Variants in DLL1 observed in about 807,000 individuals in gnomAD.
The protein encoded by DLL1 is delta like canonical Notch ligand 1, also known as delta-like protein 1.
In DLL1, 9 loss-of-function variants were observed where a neutral mutation model predicts 75.1. That is an observed-to-expected ratio of 0.12 (90% CI 0.07 to 0.21). The LOEUF (loss-of-function observed/expected upper bound fraction) is 0.21, where lower values mean the gene tolerates loss of function less well. Among genes scored for constraint, DLL1 ranks in the 10% least tolerant of loss-of-function variants. The pLI is 1.00. For synonymous variants in DLL1, 477 were observed against 418.3 expected (o/e 1.14, Z -1.71); for missense variants, 837 against 1,007.6 (o/e 0.83, Z 2.29).
At position 170,282,709 on chromosome 6, in the gene DLL1, G is replaced by T; in HGVS notation, c.*165C>A. 8.5e-7 allele frequency: 1 copy of T among 1,177,026 alleles called. No homozygotes were observed. The highest frequency in any genetic ancestry group is 1.3e-6 in the Non-Finnish European group (1 of 797,212). 72.9% of individuals were successfully genotyped at this position (1,177,026 alleles called of 1,614,324 possible). On this transcript the variant is annotated 3_prime_UTR_variant, in exon 11 of 11. Transcript: ENST00000366756. ...GCGGCCGGGCCGCGACAGGCTGTCG[G>T]CAGGCGTCGAGGACCTCAGGAGGAG... is the stretch of plus-strand genomic sequence containing the variant.
Position 170,286,243 on chromosome 6 carries a change from T to G in DLL1, c.726A>C (p.Glu242Asp). 6.2e-7 allele frequency: 1 copy of G among 1,614,218 alleles called. No individual in the cohort carries two copies. Among genetic ancestry groups the G allele is most frequent in the Non-Finnish European group, 8.5e-7 (1 of 1,180,036 alleles). The change falls in exon 5 of 11, where the codon GAA (glutamate) becomes GAC (aspartate). Residue 242 changes from glutamate (E) to aspartate (D), a missense_variant. By Grantham distance (45) the Glu-to-Asp change is conservative. This residue lies in a region of DLL1 where 304 missense variants were observed against 461.9 expected (regional missense o/e 0.66). Coordinates refer to ENST00000366756, the MANE Select transcript of DLL1 (RefSeq NM_005618.4). ...ACCACCTTGTGCAGACTTACTTGCA[T>G]TCCCCTGGTTTGTCACAAAATCCAT... ...EQHGFCDKPGECKCRVGWQGR... is the reference protein window; with the variant it reads ...EQHGFCDKPGDCKCRVGWQGR...
chr6:170,288,488 C>T lies in DLL1; in HGVS notation c.421G>A (p.Glu141Lys), dbSNP rs1783757254. The change falls in exon 4 of 11, where the codon GAA (glutamate) becomes AAA (lysine). Residue 141 changes from glutamate to lysine, a missense_variant. Glu to Lys is a moderately conservative substitution (Grantham distance 56, BLOSUM62 1). This residue lies in a region of DLL1 where 304 missense variants were observed against 461.9 expected (regional missense o/e 0.66). Transcript: ENST00000366756. ...SPDDLATENP[E>K]RLISRLATQR... ...GTGGCCAGGCGGCTGATGAGTCTTT[C>T]TGGGTTTTCTACGGGGAGAAGATGC... 1.2e-6 allele frequency: 2 copies of T among 1,614,022 alleles called. No individual in the cohort carries two copies. Among genetic ancestry groups the T allele is most frequent in the African/African-American group, 1.3e-5 (1 of 74,950 alleles).
rs1401212987 is a variant in DLL1 at position 170,285,317 on chromosome 6, G to A, written c.969C>T (p.Ala323=). ...ACTCGTCAATCCCCAGCTCGCAGGT[G>A]GCACCTGTGTACCCAGGCCGGCAAG... is the stretch of plus-strand genomic sequence containing the variant. ...TCSCRPGYTG[A]TCELGIDECD... Residue 323 remains alanine (A), a synonymous_variant, in exon 7 of 11, where the codon GCC becomes GCT. Transcript: ENST00000366756. The A allele has an allele frequency of 1.2e-6, 2 of 1,614,168 alleles. No homozygotes were observed. Among genetic ancestry groups the A allele is most frequent in the Non-Finnish European group, 8.5e-7 (1 of 1,180,034 alleles).
Position 170,283,011 on chromosome 6 carries a change from C to T in DLL1, c.2143G>A (p.Asp715Asn), listed in dbSNP as rs775077676. Residue 715 changes from aspartate (D) to asparagine (N), a missense_variant, in exon 10 of 11, where the codon GAT (aspartate) becomes AAT (asparagine). Coordinates refer to ENST00000366756, the MANE Select transcript of DLL1 (RefSeq NM_005618.4). ...QSVYVISEEK[D>N]ECVIATEV ...ACCTCAGTTGCTATGACGCACTCAT[C>T]CTTCTCCTCGGATATGACGTACACC... 1.2e-6 allele frequency: 2 copies of T among 1,614,164 alleles called. No homozygotes were observed. The highest frequency in any genetic ancestry group is 1.7e-5 in the Admixed American group (1 of 60,034).
chr6:170,289,270 G>A (rs1284607763), intron 2 of DLL1: 3 of 663,606 alleles, frequency 4.5e-6, no homozygotes, highest in Admixed American at 2.4e-5. Flanking sequence ...TCTCCCGGGC[G>A]CGCTCGGCCT....
rs2114956411 is a variant in DLL1, at chr6:170,282,698, A to G, written c.*176T>C. ...CAGTGCCGCAGGCGGCCGGGCCGCGACAGGCTGTCGGCAGGCGTCGAGGAC... is the reference window on the plus strand; with the variant it reads ...CAGTGCCGCAGGCGGCCGGGCCGCGGCAGGCTGTCGGCAGGCGTCGAGGAC... On this transcript the variant is annotated 3_prime_UTR_variant, in exon 11 of 11. Coordinates refer to ENST00000366756, the MANE Select transcript of DLL1 (RefSeq NM_005618.4). 3 of 1,067,606 alleles carry G rather than the reference A, an allele frequency of 2.8e-6. No individual in the cohort carries two copies. The South Asian group carries it at 4.0e-5, about 14-fold the overall frequency. The allele number at this position is 1,067,606 out of a possible 1,614,324, so 66.1% of individuals were successfully genotyped here.
In DLL1 at chr6:170,283,322, C is replaced by T. The variant is rs769028878; in HGVS notation, c.1957G>A (p.Ala653Thr). Residue 653 changes from alanine to threonine, a missense_variant, in exon 9 of 11, where the codon GCC becomes ACC. Transcript: ENST00000366756. ...CGCTTGCTGTGCGCGTCCCTGACGG[C>T]GGTGTCGTCACCCTTGAGGTCCTGC... ...LVQDLKGDDTAVRDAHSKRDT... is the reference protein window; with the variant it reads ...LVQDLKGDDTTVRDAHSKRDT... The T allele has an allele frequency of 4.5e-5, 73 of 1,613,066 alleles. No individual in the cohort carries two copies. In the South Asian group the frequency reaches 5.2e-4, roughly 11 times the overall value.
intron 5 of DLL1, among the ~76,000 whole-genome samples, chr6:170,285,953 A>G (rs1783687024): frequency 6.6e-6 from 1 of 152,238 alleles, no homozygotes; most frequent in African/African-American, 2.4e-5. Flanking sequence ...ATGAGGCAAC[A>G]TTTGAGAACC....
intron 5 of DLL1, 77 bp downstream of exon 5, chr6:170,286,161 G>C (rs942468599): frequency 6.3e-7 from 1 of 1,594,458 alleles, no homozygotes; most frequent in Non-Finnish European, 8.6e-7. Context: ...ACCTAGGGCT[G>C]TTTTTACAAA....
chr6:170,288,799 A>G lies in DLL1; in HGVS notation c.352-10T>C. 2.5e-6 allele frequency: 4 copies of G among 1,614,014 alleles called. No individual in the cohort carries two copies. Among genetic ancestry groups the G allele is most frequent in the Non-Finnish European group, 3.4e-6 (4 of 1,179,920 alleles). ...TCAGAGAGAAGGTGCCCTGGGAGAG[A>G]GGGGAGAAGACGTTAGACAACCCAG... On this transcript the variant is annotated splice_polypyrimidine_tract_variant and intron_variant, in intron 2 of 10. Transcript: ENST00000366756.
At chr6:170,284,864 C>T (rs1783659033) in intron 8 of DLL1, 55 bp downstream of exon 8, 6 of 1,559,320 alleles carry the variant, frequency 3.8e-6, no homozygotes, top group South Asian at 1.1e-5. Flanking sequence ...TTTAATGCCA[C>T]CTCAGTATTG....
rs2114969064 is a variant in DLL1, at chr6:170,291,026, C to A, written c.-887G>T. 1.4e-6 allele frequency: 1 copy of A among 702,036 alleles called. No homozygotes were observed. The highest frequency in any genetic ancestry group is 2.6e-6 in the Non-Finnish European group (1 of 384,670). 43.5% of individuals were successfully genotyped at this position (702,036 alleles called of 1,614,324 possible). A position where few individuals can be genotyped will look rare whatever the true frequency, so the allele number is the denominator to read the frequency against. On this transcript the variant is annotated 5_prime_UTR_variant, in exon 1 of 11. Transcript: ENST00000366756. ...CCCCCCAATCTGGCGAGAGCTGTCA[C>A]AAAGGAGCCACTTTTCCAAACCCTC...
chr6:170,289,724 C>T lies in DLL1; in HGVS notation c.139G>A (p.Gly47Arg). The T allele has an allele frequency of 1.9e-6, 3 of 1,549,962 alleles. No individual in the cohort carries two copies. Among genetic ancestry groups the T allele is most frequent in the Non-Finnish European group, 2.6e-6 (3 of 1,146,880 alleles). ...GLLGNRNCCR[G>R]GAGPPPCACR... ...GCGCACGGCGGTGGCCCCGCGCCCC[C>T]GCGGCAGCAGTTGCGGTTCCCCAGC... is the stretch of plus-strand genomic sequence containing the variant. The change falls in exon 2 of 11, where the codon GGG (glycine) becomes AGG (arginine). Residue 47 changes from glycine (G) to arginine (R), a missense_variant. By Grantham distance (125) the Gly-to-Arg change is moderately radical. This residue lies in a region of DLL1 where 304 missense variants were observed against 461.9 expected (regional missense o/e 0.66). Coordinates refer to ENST00000366756, the MANE Select transcript of DLL1 (RefSeq NM_005618.4).
chr6:170,284,240 G>A (rs986818292), intron 8 of DLL1, among the ~76,000 whole-genome samples: 6 of 152,300 alleles, frequency 3.9e-5, no homozygotes, highest in East Asian at 1.9e-4. Flanking sequence ...GAAACCACAC[G>A]GCCAGCATCT....
At position 170,283,489 on chromosome 6, in the gene DLL1, T is replaced by C; in HGVS notation, c.1790A>G (p.Gln597Arg). ...TETMNNLANC[Q>R]REKDISVSII... is the part of the protein sequence containing the mutation. ...GCTGACTGAGATGTCCTTCTCACGC[T>C]GGCAGTTGGCCAGGTTGTTCATGGT... is the stretch of plus-strand genomic sequence containing the variant. The change falls in exon 9 of 11, where the codon CAG becomes CGG. Residue 597 changes from glutamine (Q) to arginine (R), a missense_variant. Around this residue, in one of 2 missense-constraint regions of DLL1, gnomAD observed 533 missense variants for 545.7 expected, o/e 0.98. Coordinates refer to ENST00000366756, the MANE Select transcript of DLL1 (RefSeq NM_005618.4). 1 of 1,613,604 alleles carries C rather than the reference T, an allele frequency of 6.2e-7. No homozygotes were observed. The highest frequency in any genetic ancestry group is 8.5e-7 in the Non-Finnish European group (1 of 1,180,042).
rs774720448 is a variant in DLL1, at chr6:170,286,226, G to A, written c.731+12C>T. On this transcript the variant is annotated intron_variant, in intron 5 of 10. Coordinates refer to ENST00000366756, the MANE Select transcript of DLL1 (RefSeq NM_005618.4). ...AGGCAACAAAACAAAACACCACCTT[G>A]TGCAGACTTACTTGCATTCCCCTGG... 2.6e-5 allele frequency: 42 copies of A among 1,614,072 alleles called. No homozygotes were observed. Among genetic ancestry groups the A allele is most frequent in the Non-Finnish European group, 3.3e-5 (39 of 1,180,030 alleles).
chr6:170,283,911 G>T lies in DLL1; in HGVS notation c.1368C>A (p.Gly456=). ...AGTCGTTCACGCCATCCCGGCAGGT[G>T]CCCCCGTTGGCGCACGGGGAGGAGG... is the stretch of plus-strand genomic sequence containing the variant. ...DCASSPCANG[G]TCRDGVNDFS... is the part of the protein sequence containing the mutation. Residue 456 remains glycine, a synonymous_variant, in exon 9 of 11, where the codon GGC becomes GGA. Coordinates refer to ENST00000366756, the MANE Select transcript of DLL1 (RefSeq NM_005618.4). The T allele has an allele frequency of 6.2e-7, 1 of 1,602,394 alleles. No homozygotes were observed. Among genetic ancestry groups the T allele is most frequent in the Non-Finnish European group, 8.5e-7 (1 of 1,177,478 alleles).
chr6:170,285,344 G>A lies in DLL1; in HGVS notation c.942C>T (p.Cys314=). The change falls in exon 7 of 11, where the codon TGC becomes TGT. Residue 314 remains cysteine, a synonymous_variant. Transcript: ENST00000366756. ...CTNTGQGSYT[C]SCRPGYTGAT... is the part of the protein sequence containing the mutation. ...CACCTGTGTACCCAGGCCGGCAAGA[G>A]CAAGTGTAGCTCCCCTGGCCCGTGT... The A allele has an allele frequency of 6.2e-7, 1 of 1,614,236 alleles. No homozygotes were observed. Among genetic ancestry groups the A allele is most frequent in the Non-Finnish European group, 8.5e-7 (1 of 1,180,042 alleles).
chr6:170,289,884 G>C, intron 1 of DLL1, 76 bp from the exon 2 acceptor site: 1 of 1,469,502 alleles, frequency 6.8e-7, no homozygotes, highest in Non-Finnish European at 9.1e-7. Context: ...GGTGGGGGGT[G>C]TGCGGAGAGC....
Sources: allele counts gnomAD v4.1 joint callset (sites outside exome capture counted in the v4.1 genomes callset), GRCh38; gene constraint gnomAD v4.1.1; regional missense constraint gnomAD v4.1.1; transcripts MANE v1.5; gene names NCBI Gene and HGNC (gene_info 2026-07-23, HGNC 2026-07-21).